Variants in RABGAP1L observed in about 807,000 individuals in gnomAD.
RABGAP1L encodes the protein RAB GTPase activating protein 1 like.
A neutral mutation model predicts 137.7 loss-of-function variants in RABGAP1L; 63 were observed. The ratio of observed to expected loss-of-function variants is 0.46; its 90% CI spans 0.37 to 0.56. RABGAP1L has a LOEUF of 0.56. Among genes scored for constraint, RABGAP1L ranks in the 20% least tolerant of loss-of-function variants. The probability of loss-of-function intolerance (pLI) is 0.00; values close to 1 mark genes in which losing one functional copy is unlikely to be tolerated. For missense variants in RABGAP1L, 1,095 were observed against 1,244.0 expected (o/e 0.88, Z 1.80); for synonymous variants, 431 against 433.7 (o/e 0.99, Z 0.08).
intron 18 of RABGAP1L, among the ~76,000 whole-genome samples, chr1:174,799,396 C>G (rs2148819016): frequency 6.6e-6 from 1 of 152,274 alleles, no homozygotes; most frequent in East Asian, 1.9e-4. Flanking sequence ...TTTCAGTCAT[C>G]TAATAAGGAT....
intron 13 of RABGAP1L, among the ~76,000 whole-genome samples, chr1:174,531,556 C>T (rs1664405637): frequency 1.3e-5 from 2 of 152,044 alleles, no homozygotes; most frequent in Non-Finnish European, 2.9e-5. Context: ...GGATAAAATT[C>T]AATAAAAATG....
intron 17 of RABGAP1L, among the ~76,000 whole-genome samples, chr1:174,704,556 G>A (rs1679910579): frequency 6.6e-6 from 1 of 152,190 alleles, no homozygotes; most frequent in African/African-American, 2.4e-5. Context: ...ATAAAGAAGG[G>A]TTCAGTGACT....
chr1:174,697,282 T>C (rs1428558374), intron 15 of RABGAP1L, among the ~76,000 whole-genome samples: 1 of 152,176 alleles, frequency 6.6e-6, no homozygotes, highest in Non-Finnish European at 1.5e-5. Flanking sequence ...GAGACTTAAG[T>C]GAATTAGTAT....
Position 174,637,386 on chromosome 1 carries a change from G to A in RABGAP1L, c.1722G>A (p.Gln574=), listed in dbSNP as rs759066263. Residue 574 remains glutamine, a synonymous_variant, in exon 14 of 26, where the codon CAG becomes CAA. Coordinates refer to ENST00000681986, the MANE Select transcript of RABGAP1L (RefSeq NM_001366446.1). ...YRILITKDSA[Q]ESVITRDIHR... ...TCTTTCTTTTTTAGGACTCAGCCCAGGAGAGTGTTATTACTCGAGATATTC... is the reference window on the plus strand; with the variant it reads ...TCTTTCTTTTTTAGGACTCAGCCCAAGAGAGTGTTATTACTCGAGATATTC... 1.6e-5 allele frequency: 26 copies of A among 1,609,886 alleles called. No individual in the cohort carries two copies. In the Admixed American group the frequency reaches 4.0e-4, roughly 25 times the overall value.
At chr1:174,247,942 C>T (rs1276131596) in intron 5 of RABGAP1L, among the ~76,000 whole-genome samples, 1 of 149,616 alleles carries the variant, frequency 6.7e-6, no homozygotes, top group East Asian at 2.1e-4. Flanking sequence ...CTCCTTAAAA[C>T]AAAACTAAAT....
rs548802858 is a variant in RABGAP1L, at chr1:174,618,123, G to A, written c.1711-19252G>A. ...GGCGCCCGCCATTGCTGAGGCTTGA[G>A]TAGGTAAACAAAGCGGCTGGGAAGC... On this transcript the variant is annotated intron_variant, in intron 13 of 25. Coordinates refer to ENST00000681986, the MANE Select transcript of RABGAP1L (RefSeq NM_001366446.1). 1.3e-3 allele frequency among the ~76,000 whole-genome samples: 197 copies of A among 152,332 alleles called. 5 individuals are homozygous for A. The South Asian group carries it at 0.039, about 30-fold the overall frequency.
rs1665497730 is a variant in RABGAP1L, at chr1:174,541,977, C to G, written c.1711-95398C>G. 1.3e-5 allele frequency among the ~76,000 whole-genome samples: 2 copies of G among 152,196 alleles called. 1 individual carries two copies. Among genetic ancestry groups the G allele is most frequent in the South Asian group, 4.1e-4 (2 of 4,834 alleles). The stretch of plus-strand genomic sequence containing the variant: ...CGTGGTGGATAAGCTTTTTGATGTG[C>G]TGCTGGATTTGGTTTGCCAGTATTT... On this transcript the variant is annotated intron_variant, in intron 13 of 25. Transcript: ENST00000681986.
chr1:174,442,196 G>A (rs1209878498), intron 13 of RABGAP1L, among the ~76,000 whole-genome samples: 17 of 151,714 alleles, frequency 1.1e-4, no homozygotes, highest in Admixed American at 1.1e-3. Context: ...CTACATTCAC[G>A]AATATTTATC....
chr1:174,973,739 A>G (rs1179051391), intron 21 of RABGAP1L, among the ~76,000 whole-genome samples: 6 of 151,962 alleles, frequency 3.9e-5, no homozygotes, highest in Non-Finnish European at 8.8e-5. Context: ...TGGCTCTCCA[A>G]GAGACCAAAC....
intron 13 of RABGAP1L, among the ~76,000 whole-genome samples, chr1:174,596,417 T>C (rs1399299695): frequency 6.6e-6 from 1 of 152,208 alleles, no homozygotes; most frequent in South Asian, 2.1e-4. Context: ...GTAGTTCTTA[T>C]TGTACAGATC....
At chr1:174,809,650 CT>C (rs1689672626) in intron 18 of RABGAP1L, among the ~76,000 whole-genome samples, 1 of 152,154 alleles carries the variant, frequency 6.6e-6, no homozygotes, top group South Asian at 2.1e-4. Context: ...CTTCAGAGGA[CT>C]TTCGGTAGTG....
chr1:174,303,561 A>G (rs938257403), intron 10 of RABGAP1L, among the ~76,000 whole-genome samples: 15 of 152,336 alleles, frequency 9.8e-5, no homozygotes, highest in Admixed American at 3.3e-4. Flanking sequence ...CATGTTGCTA[A>G]GCTGTAATGA....
At chr1:174,691,057 C>T (rs1196028389) in intron 15 of RABGAP1L, among the ~76,000 whole-genome samples, 2 of 151,938 alleles carry the variant, frequency 1.3e-5, no homozygotes, top group African/African-American at 4.8e-5. Flanking sequence ...GTCTCGAACT[C>T]CTGACCTCAA....
At chr1:174,743,722 TAA>T (rs1683642630) in intron 17 of RABGAP1L, among the ~76,000 whole-genome samples, 2 of 152,208 alleles carry the variant, frequency 1.3e-5, no homozygotes, top group African/African-American at 4.8e-5. Flanking sequence ...TCACCTATGA[TAA>T]AGACTTCTAG....
chr1:174,826,789 C>T (rs1024958593), intron 19 of RABGAP1L, among the ~76,000 whole-genome samples: 3 of 152,156 alleles, frequency 2.0e-5, no homozygotes, highest in South Asian at 2.1e-4. Flanking sequence ...CTTTTCTCTG[C>T]GGCCTCGCCA....
intron 12 of RABGAP1L, among the ~76,000 whole-genome samples, chr1:174,384,440 C>T (rs955975056): frequency 1.5e-5 from 2 of 130,094 alleles, no homozygotes; most frequent in Non-Finnish European, 3.3e-5. Context: ...AAATAAATGA[C>T]AAAAAAGAAA....
rs1367317517 is a variant in RABGAP1L at position 174,957,730 on chromosome 1, T to C, written c.2433+181T>C. The C allele has an allele frequency of 5.8e-6, 5 of 859,996 alleles. No homozygotes were observed. The East Asian group carries it at 1.5e-4, about 26-fold the overall frequency. 53.3% of individuals were successfully genotyped at this position (859,996 alleles called of 1,614,324 possible). A position where few individuals can be genotyped will look rare whatever the true frequency, so the allele number is the denominator to read the frequency against. On this transcript the variant is annotated intron_variant, in intron 20 of 25. Coordinates refer to ENST00000681986, the MANE Select transcript of RABGAP1L (RefSeq NM_001366446.1). ...CCATTCCCAGCAAAGTACCTTTTTT[T>C]TTTTTTTTTTTTTTTTCTTAAAGCA...
At chr1:174,273,555 T>A (rs1055581816) in intron 8 of RABGAP1L, among the ~76,000 whole-genome samples, 2 of 152,018 alleles carry the variant, frequency 1.3e-5, no homozygotes, top group Non-Finnish European at 2.9e-5. Context: ...CATCTTTTTT[T>A]TTTTTCTTGA....
chr1:174,285,665 G>A (rs1285992541), intron 10 of RABGAP1L, among the ~76,000 whole-genome samples: 1 of 152,028 alleles, frequency 6.6e-6, no homozygotes, highest in African/African-American at 2.4e-5. Context: ...ATGTTGAATA[G>A]ATGTGGTGAG....
Sources: gnomAD v4.1 joint callset for allele counts (sites outside exome capture counted in the v4.1 genomes callset) on GRCh38, gnomAD v4.1.1 for gene constraint, MANE v1.5 for transcripts, NCBI Gene and HGNC (gene_info 2026-07-23, HGNC 2026-07-21) for gene names.